The following PDXK variants were observed in gnomAD, a reference collection of about 807,000 sequenced individuals.
The protein encoded by PDXK is pyridoxal kinase.
PDXK carries 15 observed loss-of-function variants against 43.2 expected under a neutral mutation model. The observed-to-expected ratio is 0.35, with a 90% CI of 0.23 to 0.53. PDXK has a LOEUF of 0.53. PDXK is among the 20% of genes least tolerant of loss of function. PDXK has a pLI of 0.92. For missense variants in PDXK, 343 were observed against 417.0 expected, an observed-to-expected ratio of 0.82 and a Z score of 1.54; for synonymous variants, 172 against 165.4, an observed-to-expected ratio of 1.04 and a Z score of -0.31.
rs886680425 is a variant in PDXK at position 43,729,071 on chromosome 21, A to ACCCG, written c.88-4988_88-4985dup. 15 of 853,724 alleles carry ACCCG rather than the reference A, an allele frequency of 1.8e-5. No individual in the cohort carries two copies. The South Asian group carries it at 3.4e-4, about 19-fold the overall frequency. The allele number at this position is 853,724 out of a possible 1,614,324, so 52.9% of individuals were successfully genotyped here. A position where few individuals can be genotyped will look rare whatever the true frequency, so the allele number is the denominator to read the frequency against. On this transcript the variant is annotated intron_variant, in intron 1 of 10. Coordinates refer to ENST00000291565, the MANE Select transcript of PDXK (RefSeq NM_003681.5). Reference sequence around the variant, plus strand: ...GGCAAAGCCCAGCCCCCCACCCCGCACCCGCCCGCCCGCAATCCTGCCCCC... The same window carrying ACCCG: ...GGCAAAGCCCAGCCCCCCACCCCGCACCCGCCCGCCCGCCCGCAATCCTGCCCCC...
chr21:43,746,854 T>G (rs2083647205), intron 5 of PDXK, among the ~76,000 whole-genome samples: 1 of 152,224 alleles, frequency 6.6e-6, no homozygotes, highest in Non-Finnish European at 1.5e-5. Context: ...GAAACCAGAC[T>G]GGGTGCAGTG....
chr21:43,743,876 G>T (rs1349076036), intron 4 of PDXK, 69 bp downstream of exon 4: 1 of 1,075,582 alleles, frequency 9.3e-7, no homozygotes, highest in African/African-American at 1.6e-5. Flanking sequence ...TGGGAGCCCG[G>T]GAAGGGACGT....
chr21:43,740,750 C>T (rs1176852792), intron 2 of PDXK, among the ~76,000 whole-genome samples: 1 of 151,898 alleles, frequency 6.6e-6, no homozygotes, highest in African/African-American at 2.4e-5. Context: ...TTGTATACAC[C>T]TGGGCTGAGG....
At chr21:43,724,967 C>G (rs2083239476) in intron 1 of PDXK, among the ~76,000 whole-genome samples, 1 of 151,914 alleles carries the variant, frequency 6.6e-6, no homozygotes. Context: ...CCCTGCTCTG[C>G]AAAGTGGCCT....
At chr21:43,733,266 C>CCCCCCCCA (rs2083349124) in intron 1 of PDXK, among the ~76,000 whole-genome samples, 1 of 103,474 alleles carries the variant, frequency 9.7e-6, no homozygotes, top group African/African-American at 3.5e-5. Context: ...CCCCCCCCCG[C>CCCCCCCCA]CCCCCCCGCC....
rs528075309 is a variant in PDXK, at chr21:43,739,079, A to G, written c.143-2588A>G. ...CTCCCAAGTAGCTGGGACTACAGGC[A>G]CCCGCAACCACGCCCGGCTAATTTT... On this transcript the variant is annotated intron_variant, in intron 2 of 10. Transcript: ENST00000291565. 3.8e-3 allele frequency among the ~76,000 whole-genome samples: 579 copies of G among 151,886 alleles called. 7 individuals are homozygous for G. The highest frequency in any genetic ancestry group is 0.013 in the African/African-American group (531 of 41,420).
chr21:43,755,928 A>C (rs2083842217), intron 10 of PDXK, 23 bp from the exon 11 acceptor site: 2 of 1,572,460 alleles, frequency 1.3e-6, no homozygotes, highest in African/African-American at 2.7e-5. Flanking sequence ...ATGGGAACTC[A>C]GTGCTCTCTG....
Position 43,756,419 on chromosome 21 carries a change from A to T in PDXK, c.*356A>T. The T allele has an allele frequency of 4.0e-6, 1 of 247,522 alleles. No homozygotes were observed. The highest frequency in any genetic ancestry group is 8.1e-6 in the Non-Finnish European group (1 of 123,274). The allele number at this position is 247,522 out of a possible 1,614,324, so 15.3% of individuals were successfully genotyped here. A position where few individuals can be genotyped will look rare whatever the true frequency, so the allele number is the denominator to read the frequency against. On this transcript the variant is annotated 3_prime_UTR_variant, in exon 11 of 11. Coordinates refer to ENST00000291565, the MANE Select transcript of PDXK (RefSeq NM_003681.5). ...CCTCGAGTGGGCCCTGGCTGCCACT[A>T]CCGTACAGAGGCCGTGTCGCGCTGG...
At chr21:43,755,523 G>T (rs1253725007) in intron 9 of PDXK, 175 bp from the exon 10 acceptor site, 2 of 633,594 alleles carry the variant, frequency 3.2e-6, no homozygotes, top group African/African-American at 1.8e-5. Context: ...TCTCCGTGGT[G>T]GGCAGTCCGC....
Position 43,754,547 on chromosome 21 carries a change from G to A in PDXK, c.759+828G>A, listed in dbSNP as rs1409587026. ...TCTTCTTACAACACCGTCCAGAGCC[G>A]TGCTGTGCTCTGAGGTGGTCCCCAG... On this transcript the variant is annotated intron_variant, in intron 9 of 10. Transcript: ENST00000291565. This position sits in a 1 kb window ranked among gnomAD's most constrained non-coding sequence, Gnocchi z 5.5. Among the ~76,000 whole-genome samples the A allele has an allele frequency of 3.3e-5, 5 of 152,166 alleles. No homozygotes were observed. The South Asian group carries it at 8.3e-4, about 25-fold the overall frequency.
chr21:43,721,515 C>T (rs567051925), intron 1 of PDXK, among the ~76,000 whole-genome samples: 11 of 152,330 alleles, frequency 7.2e-5, no homozygotes, highest in African/African-American at 1.2e-4. Context: ...GCTGGAGAGG[C>T]GCCTTATGGG....
At chr21:43,753,239 GAC>G (rs931143327) in intron 8 of PDXK, among the ~76,000 whole-genome samples, 8 of 152,008 alleles carry the variant, frequency 5.3e-5, no homozygotes, top group South Asian at 2.1e-4. Context: ...CATACACACG[GAC>G]ACACATGCAT....
In PDXK at chr21:43,756,199, G is replaced by A. The variant is rs1004256483; in HGVS notation, c.*136G>A. ...CTTTCATGAGTGTCCGGCATCTGCT[G>A]GTCTTCATTGTGAAACGTGCCAGTC... On this transcript the variant is annotated 3_prime_UTR_variant, in exon 11 of 11. Coordinates refer to ENST00000291565, the MANE Select transcript of PDXK (RefSeq NM_003681.5). 1 of 581,108 alleles carries A rather than the reference G, an allele frequency of 1.7e-6. No homozygotes were observed. The highest frequency in any genetic ancestry group is 1.9e-5 in the African/African-American group (1 of 53,484). The allele number at this position is 581,108 out of a possible 1,614,324, so 36.0% of individuals were successfully genotyped here. A position where few individuals can be genotyped will look rare whatever the true frequency, so the allele number is the denominator to read the frequency against.
In PDXK at chr21:43,757,277, G is replaced by C. The variant is rs1322350582; in HGVS notation, c.*1214G>C. 1 of 152,638 alleles carries C rather than the reference G, an allele frequency of 6.6e-6. No individual in the cohort carries two copies. Among genetic ancestry groups the C allele is most frequent in the African/African-American group, 2.4e-5 (1 of 41,478 alleles). The allele number at this position is 152,638 out of a possible 1,614,324, so 9.5% of individuals were successfully genotyped here. On this transcript the variant is annotated 3_prime_UTR_variant, in exon 11 of 11. Coordinates refer to ENST00000291565, the MANE Select transcript of PDXK (RefSeq NM_003681.5). ...GGTCCCCCCAGGTATAGCTATAGGC[G>C]GCAGTGCCTGTCCCTGGCCTGCCTT...
intron 6 of PDXK, among the ~76,000 whole-genome samples, chr21:43,749,753 G>A (rs9975602): frequency 1.2e-4 from 19 of 152,338 alleles, no homozygotes; most frequent in African/African-American, 4.1e-4. Flanking sequence ...TGGGCTTGTC[G>A]GGGCCACCAC....
intron 2 of PDXK, chr21:43,738,079 G>GT (rs2083434804): frequency 1.0e-6 from 1 of 982,088 alleles, no homozygotes; most frequent in African/African-American, 1.7e-5. Context: ...GCTGAATTAC[G>GT]TCCCCCCAAA....
rs2083740014 is a variant in PDXK at position 43,750,976 on chromosome 21, G to GTGTT, written c.510+434_510+435insTTGT. Among the ~76,000 whole-genome samples the GTGTT allele has an allele frequency of 5.3e-5, 8 of 152,266 alleles. No homozygotes were observed. The South Asian group carries it at 1.7e-3, about 32-fold the overall frequency. ...CATGTGTGTGCATGTGTGTGTGTGT[G>GTGTT]TGTGCACATGTGTGTGAAGAGCTAT... is the stretch of plus-strand genomic sequence containing the variant. On this transcript the variant is annotated intron_variant, in intron 7 of 10. Transcript: ENST00000291565.
intron 1 of PDXK, among the ~76,000 whole-genome samples, chr21:43,721,504 G>A (rs996727102): frequency 3.4e-4 from 52 of 152,368 alleles, no homozygotes; most frequent in African/African-American, 1.1e-3. Flanking sequence ...GTAGCAGGGC[G>A]GCTGGAGAGG....
In PDXK at chr21:43,748,968, TCTC is replaced by T. The variant is rs757472721; in HGVS notation, c.379-21_379-19del. On this transcript the variant is annotated intron_variant, in intron 5 of 10. Transcript: ENST00000291565. ...GTGCTTCCCTCACGGTGACTCAGCCTCTCCTCCTGTCTCCTTTGTTGGCCAGTA... is the reference window on the plus strand; with the variant it reads ...GTGCTTCCCTCACGGTGACTCAGCCTCTCCTGTCTCCTTTGTTGGCCAGTA... The T allele has an allele frequency of 9.0e-6, 13 of 1,443,172 alleles. No homozygotes were observed. In the African/African-American group the frequency reaches 1.1e-4, roughly 13 times the overall value. The allele number at this position is 1,443,172 out of a possible 1,614,324, so 89.4% of individuals were successfully genotyped here. A position where few individuals can be genotyped will look rare whatever the true frequency, so the allele number is the denominator to read the frequency against.
Sources: allele counts gnomAD v4.1 joint callset (sites outside exome capture counted in the v4.1 genomes callset), GRCh38; gene constraint gnomAD v4.1.1; non-coding constraint Gnocchi (gnomAD v3.1); transcripts MANE v1.5; gene names NCBI Gene and HGNC (gene_info 2026-07-23, HGNC 2026-07-21).